The following CEACAM16 variants were observed in gnomAD, a reference collection of about 807,000 sequenced individuals.
The protein encoded by CEACAM16 is CEA cell adhesion molecule 16, tectorial membrane component.
In CEACAM16, 30 loss-of-function variants were observed where a neutral mutation model predicts 39.4. The observed-to-expected ratio is 0.76, with a 90% CI of 0.57 to 1.03. The LOEUF is 1.03. CEACAM16 is among the 50% of genes least tolerant of loss of function. The pLI is 0.00. For missense variants in CEACAM16, 521 were observed against 585.3 expected (o/e 0.89, Z 1.13); for synonymous variants, 262 against 264.9 (o/e 0.99, Z 0.11).
chr19:44,707,568 A>G (rs935654215), intron 5 of CEACAM16, among the ~76,000 whole-genome samples: 5 of 152,172 alleles, frequency 3.3e-5, no homozygotes, highest in Admixed American at 2.0e-4. Context: ...GGAATTTCCA[A>G]TCTGATGGAG....
At chr19:44,706,978 T>A (rs1568528927) in intron 5 of CEACAM16, among the ~76,000 whole-genome samples, 1 of 152,132 alleles carries the variant, frequency 6.6e-6, no homozygotes, top group Non-Finnish European at 1.5e-5. Flanking sequence ...GCTCCTTTAT[T>A]CAAGGAATAG....
Position 44,703,692 on chromosome 19 carries a change from T to C in CEACAM16, c.381T>C (p.His127=), listed in dbSNP as rs1974390743. 1.3e-6 allele frequency: 2 copies of C among 1,516,732 alleles called. No individual in the cohort carries two copies. Among genetic ancestry groups the C allele is most frequent in the Non-Finnish European group, 1.8e-6 (2 of 1,124,710 alleles). The allele number at this position is 1,516,732 out of a possible 1,614,324, so 94.0% of individuals were successfully genotyped here. ...TEVGYGHVQV[H]EILAQPTVLA... ...TGGGCTACGGACACGTGCAGGTCCA[T>C]GGTGAGACACCCCCCAACACCCGCC... Residue 127 remains histidine (H), a splice_region_variant and synonymous_variant, in exon 3 of 7, where the codon CAT becomes CAC. Transcript: ENST00000587331.
rs771402117 is a variant in CEACAM16, at chr19:44,699,230, TTTAC to T, written c.-125_-122del. ...ATTTGTCCAATAAGTGAATGAGTGA[TTTAC>T]TGAGCATTTACTCTGCGCCAGTCGT... is the stretch of plus-strand genomic sequence containing the variant. On this transcript the variant is annotated 5_prime_UTR_variant, in exon 1 of 7. It introduces an in-frame stop codon into an upstream open reading frame of the 5' UTR. Transcript: ENST00000587331. 2.6e-5 allele frequency: 14 copies of T among 533,916 alleles called. No individual in the cohort carries two copies. Among genetic ancestry groups the T allele is most frequent in the South Asian group, 1.8e-4 (13 of 71,370 alleles). 33.1% of individuals were successfully genotyped at this position (533,916 alleles called of 1,614,324 possible).
At chr19:44,709,441 CT>C (rs1974502413) in intron 6 of CEACAM16, among the ~76,000 whole-genome samples, 1 of 147,390 alleles carries the variant, frequency 6.8e-6, no homozygotes, top group African/African-American at 2.5e-5. Context: ...ACCATGTCTC[CT>C]TCATCAGACT....
chr19:44,705,839 G>C lies in CEACAM16; in HGVS notation c.911G>C (p.Gly304Ala), dbSNP rs1974438301. ...IAKNTKTLLS[G>A]SASVVVKLSA... The stretch of plus-strand genomic sequence containing the variant: ...AAGAACACCAAGACCCTGCTATCTG[G>C]ATCTGCCTCAGTCGTGGTCAAGCTC... The change falls in exon 5 of 7, where the codon GGA becomes GCA. Residue 304 changes from glycine (G) to alanine (A), a missense_variant. Physicochemically the swap from Gly to Ala is moderately conservative, Grantham distance 60 (BLOSUM62 0). Coordinates refer to ENST00000587331, the MANE Select transcript of CEACAM16 (RefSeq NM_001039213.4). 6.2e-7 allele frequency: 1 copy of C among 1,613,486 alleles called. No individual in the cohort carries two copies.
In CEACAM16 at chr19:44,704,112, C is replaced by T. The variant is rs781465343; in HGVS notation, c.477C>T (p.Thr159=). 2.4e-5 allele frequency: 38 copies of T among 1,599,904 alleles called. No individual in the cohort carries two copies. Among genetic ancestry groups the T allele is most frequent in the African/African-American group, 1.7e-4 (13 of 74,486 alleles). Residue 159 remains threonine, a synonymous_variant, in exon 4 of 7, where the codon ACC becomes ACT. Transcript: ENST00000587331. The part of the protein sequence containing the change: ...LRLMCSSPSP[T]AEVRWFFNGG... ...TTATGTGCAGCAGCCCCAGCCCCAC[C>T]GCCGAGGTCCGCTGGTTCTTCAACG... is the stretch of plus-strand genomic sequence containing the variant.
chr19:44,705,057 C>T (rs1336314357), intron 4 of CEACAM16, among the ~76,000 whole-genome samples: 1 of 152,164 alleles, frequency 6.6e-6, no homozygotes, highest in Non-Finnish European at 1.5e-5. Flanking sequence ...AAACTTAGTG[C>T]CTACAATCCT....
chr19:44,700,332 T>C (rs948439812), intron 1 of CEACAM16, among the ~76,000 whole-genome samples: 1 of 152,046 alleles, frequency 6.6e-6, no homozygotes, highest in East Asian at 1.9e-4. Context: ...GAGACGGGGT[T>C]TCGCCATGTT....
At position 44,704,142 on chromosome 19, in the gene CEACAM16, G is replaced by T. The variant is rs930781533; in HGVS notation, c.507G>T (p.Gly169=). Residue 169 remains glycine (G), a synonymous_variant, in exon 4 of 7, where the codon GGG becomes GGT. Transcript: ENST00000587331. ...TAEVRWFFNG[G]ALPVALRLGL... ...AGGTCCGCTGGTTCTTCAACGGTGG[G>T]GCCCTGCCCGTCGCTCTCCGCCTGG... 6.3e-6 allele frequency: 10 copies of T among 1,593,940 alleles called. No homozygotes were observed. The highest frequency in any genetic ancestry group is 1.7e-5 in the Admixed American group (1 of 57,592).
At position 44,699,240 on chromosome 19, in the gene CEACAM16, A is replaced by G; in HGVS notation, c.-117A>G. 1.9e-6 allele frequency: 1 copy of G among 534,260 alleles called. No individual in the cohort carries two copies. The highest frequency in any genetic ancestry group is 1.4e-5 in the South Asian group (1 of 71,438). The allele number at this position is 534,260 out of a possible 1,614,324, so 33.1% of individuals were successfully genotyped here. A position where few individuals can be genotyped will look rare whatever the true frequency, so the allele number is the denominator to read the frequency against. On this transcript the variant is annotated 5_prime_UTR_variant, in exon 1 of 7. Transcript: ENST00000587331. ...TAAGTGAATGAGTGATTTACTGAGC[A>G]TTTACTCTGCGCCAGTCGTGGTAAG...
At chr19:44,704,957 G>A (rs1467718746) in intron 4 of CEACAM16, among the ~76,000 whole-genome samples, 1 of 152,116 alleles carries the variant, frequency 6.6e-6, no homozygotes, top group Non-Finnish European at 1.5e-5. Context: ...CATAACCAAA[G>A]CATGCAGTCG....
intron 4 of CEACAM16, among the ~76,000 whole-genome samples, chr19:44,704,749 AAACAAAAAAAAACAACAAC>A (rs1352021085): frequency 1.3e-3 from 121 of 92,404 alleles, no homozygotes; most frequent in African/African-American, 5.1e-3. Context: ...AAAAACAAAC[AAACAAAAAAAAACAACAAC>A]AACAAACAAA....
chr19:44,700,980 G>A (rs577442941), intron 1 of CEACAM16, among the ~76,000 whole-genome samples: 77 of 152,290 alleles, frequency 5.1e-4, no homozygotes, highest in African/African-American at 1.7e-3. Flanking sequence ...TTTGCCATCC[G>A]CTGAGACAAC....
rs1416237674 is a variant in CEACAM16, at chr19:44,703,687, G to A, written c.376G>A (p.Val126Ile). ...QTEVGYGHVQ[V>I]HEILAQPTVL... ...CGAGGTGGGCTACGGACACGTGCAG[G>A]TCCATGGTGAGACACCCCCCAACAC... Residue 126 changes from valine to isoleucine, a missense_variant, in exon 3 of 7, where the codon GTC (valine) becomes ATC (isoleucine). Transcript: ENST00000587331. The A allele has an allele frequency of 1.3e-6, 2 of 1,524,848 alleles. No individual in the cohort carries two copies. Among genetic ancestry groups the A allele is most frequent in the South Asian group, 1.3e-5 (1 of 78,624 alleles). The allele number at this position is 1,524,848 out of a possible 1,614,324, so 94.5% of individuals were successfully genotyped here.
In CEACAM16 at chr19:44,701,202, G is replaced by T. The variant is rs1278013643; in HGVS notation, c.-96-159G>T. 6.6e-6 allele frequency among the ~76,000 whole-genome samples: 1 copy of T among 152,178 alleles called. No homozygotes were observed. The highest frequency in any genetic ancestry group is 1.5e-5 in the Non-Finnish European group (1 of 68,032). On this transcript the variant is annotated intron_variant, in intron 1 of 6. Coordinates refer to ENST00000587331, the MANE Select transcript of CEACAM16 (RefSeq NM_001039213.4). This position sits in a 1 kb window ranked among gnomAD's most constrained non-coding sequence, Gnocchi z 4.0. The stretch of plus-strand genomic sequence containing the variant: ...AAATCCAGGCCCTCGGCACAAAGAG[G>T]GTTAGGCGGCTGCCCCAGGAGGCCT...
rs558002719 is a variant in CEACAM16, at chr19:44,707,861, C to G, written c.941C>G (p.Ala314Gly). Residue 314 changes from alanine to glycine, a missense_variant and splice_region_variant, in exon 6 of 7, where the codon GCT (alanine) becomes GGT (glycine). Transcript: ENST00000587331. ...GSASVVVKLS[A>G]AAVATMIVPV... is the part of the protein sequence containing the mutation. ...CCCAGCCCGCTCGCTCTCTCCCCAG[C>G]TGCAGCAGTTGCCACGATGATCGTG... 6.5e-7 allele frequency: 1 copy of G among 1,537,920 alleles called. No individual in the cohort carries two copies. The highest frequency in any genetic ancestry group is 1.8e-5 in the Admixed American group (1 of 54,552).
intron 1 of CEACAM16, 164 bp downstream of exon 1, chr19:44,699,424 G>T: frequency 2.1e-6 from 1 of 471,988 alleles, no homozygotes. Flanking sequence ...TATGTCCAGA[G>T]CCTATACTTT....
chr19:44,707,708 C>T (rs1036203623), intron 5 of CEACAM16, among the ~76,000 whole-genome samples, 153 bp from the exon 6 acceptor site: 3 of 152,194 alleles, frequency 2.0e-5, no homozygotes, highest in Non-Finnish European at 2.9e-5. Flanking sequence ...AATCCACCTC[C>T]ACCACCGCAC....
At chr19:44,705,365 T>C (rs531634543) in intron 4 of CEACAM16, among the ~76,000 whole-genome samples, 121 of 152,346 alleles carry the variant, frequency 7.9e-4, no homozygotes, top group African/African-American at 2.8e-3. Context: ...TGAAATATTA[T>C]CTTGCCCAAC....
Sources: gnomAD v4.1 joint callset for allele counts (sites outside exome capture counted in the v4.1 genomes callset) on GRCh38, gnomAD v4.1.1 for gene constraint, Gnocchi (gnomAD v3.1) non-coding constraint, MANE v1.5 for transcripts, NCBI Gene and HGNC (gene_info 2026-07-23, HGNC 2026-07-21) for gene names.